Variants in KIF20B observed in about 807,000 individuals in gnomAD.
The protein encoded by KIF20B is kinesin family member 20B.
Under a neutral mutation model 232.5 loss-of-function variants are expected in KIF20B, and 188 were observed. The ratio of observed to expected loss-of-function variants is 0.81; its 90% CI spans 0.72 to 0.91. KIF20B has a LOEUF of 0.91. Ranked by LOEUF, KIF20B falls within the 40% of genes least tolerant of loss-of-function variation. The pLI is 0.00. For synonymous variants in KIF20B, 712 were observed against 683.0 expected, an observed-to-expected ratio of 1.04 and a Z score of -0.66; for missense variants, 2,154 against 2,055.9, an observed-to-expected ratio of 1.05 and a Z score of -0.92.
At chr10:89,744,078 G>T (rs912856248) in intron 22 of KIF20B, 151 bp downstream of exon 22, 7 of 508,090 alleles carry the variant, frequency 1.4e-5, no homozygotes, top group African/African-American at 2.2e-5. Flanking sequence ...AGGCAAAAAA[G>T]AAAAAAAAAA....
At chr10:89,731,227 T>A (rs1368999142) in intron 18 of KIF20B, among the ~76,000 whole-genome samples, 2 of 152,174 alleles carry the variant, frequency 1.3e-5, no homozygotes, top group African/African-American at 4.8e-5. Context: ...AAGAAAATAG[T>A]TGGAAATTTC....
intron 32 of KIF20B, 61 bp from the exon 33 acceptor site, chr10:89,773,910 C>A: frequency 9.7e-7 from 1 of 1,032,626 alleles, no homozygotes; most frequent in Non-Finnish European, 1.4e-6. Context: ...TCATTATAAA[C>A]AAGCTTTTAT....
chr10:89,754,043 A>G (rs1306949897), intron 25 of KIF20B, among the ~76,000 whole-genome samples: 1 of 151,762 alleles, frequency 6.6e-6, no homozygotes, highest in Admixed American at 6.6e-5. Flanking sequence ...ATTACTGATC[A>G]GCAGTATTCT....
chr10:89,709,346 G>A lies in KIF20B; in HGVS notation c.236G>A (p.Gly79Asp), dbSNP rs1279975424. The A allele has an allele frequency of 1.9e-6, 3 of 1,610,836 alleles. No individual in the cohort carries two copies. The highest frequency in any genetic ancestry group is 1.7e-6 in the Non-Finnish European group (2 of 1,177,804). ...TQSEKELESE[G>D]CVHILDSQTV... ...ATTTATTGGGGGTATGTTTTCTAGG[G>A]CTGTGTGCATATTCTGGATTCACAG... The change falls in exon 4 of 33, where the codon GGC becomes GAC. Residue 79 changes from glycine (G) to aspartate (D), a missense_variant and splice_region_variant. Physicochemically the swap from Gly to Asp is moderately conservative, Grantham distance 94. Transcript: ENST00000371728.
rs1422648203 is a variant in KIF20B at position 89,745,726 on chromosome 10, C to G, written c.4036-173C>G. On this transcript the variant is annotated intron_variant, in intron 22 of 32. Coordinates refer to ENST00000371728, the MANE Select transcript of KIF20B (RefSeq NM_001284259.2). ...CTTCTTTCCCCTGCTCTCACCCTAC[C>G]CTTTTCTCCAAGATGAAAGACAGTT... is the stretch of plus-strand genomic sequence containing the variant. Among the ~76,000 whole-genome samples, 3 of 152,074 alleles carry G rather than the reference C, an allele frequency of 2.0e-5. No homozygotes were observed. In the East Asian group the frequency reaches 5.8e-4, roughly 30 times the overall value.
chr10:89,705,227 T>C, intron 1 of KIF20B, 67 bp from the exon 2 acceptor site: 1 of 1,412,674 alleles, frequency 7.1e-7, no homozygotes, highest in South Asian at 1.2e-5. Context: ...GCTAGACTTT[T>C]GAAAGTGTGG....
At chr10:89,729,920 G>A (rs1843282710) in intron 18 of KIF20B, among the ~76,000 whole-genome samples, 1 of 152,114 alleles carries the variant, frequency 6.6e-6, no homozygotes, top group African/African-American at 2.4e-5. Context: ...AATGTAGTAA[G>A]CTGAGTAAAC....
intron 1 of KIF20B, among the ~76,000 whole-genome samples, chr10:89,704,836 C>T (rs917127894): frequency 5.9e-5 from 9 of 152,158 alleles, no homozygotes; most frequent in African/African-American, 1.9e-4. Flanking sequence ...GGATTACAGG[C>T]GTGAGCCACC....
intron 22 of KIF20B, 66 bp downstream of exon 22, chr10:89,743,993 G>T (rs10881648): frequency 0.25 from 342,626 of 1,356,810 alleles, 47,139 homozygotes; most frequent in African/African-American, 0.47. Context: ...TGTACAAAAA[G>T]GTACAAATTT....
At chr10:89,768,537 G>A (rs1842407733) in intron 30 of KIF20B, 146 bp downstream of exon 30, 3 of 713,474 alleles carry the variant, frequency 4.2e-6, no homozygotes, top group East Asian at 5.5e-5. Flanking sequence ...TCTACTTTAT[G>A]TGTTTACTTC....
Position 89,763,879 on chromosome 10 carries a change from T to C in KIF20B, c.4989+1044T>C, listed in dbSNP as rs539705496. On this transcript the variant is annotated intron_variant, in intron 29 of 32. Transcript: ENST00000371728. ...ATATTTATTAATAGTATTATTTATTTATATATTTTTATTTATTTATTTATT... is the reference window on the plus strand; with the variant it reads ...ATATTTATTAATAGTATTATTTATTCATATATTTTTATTTATTTATTTATT... Among the ~76,000 whole-genome samples the C allele has an allele frequency of 1.2e-4, 17 of 140,180 alleles. 1 individual carries two copies. The highest frequency in any genetic ancestry group is 1.0e-3 in the Admixed American group (14 of 13,558). The allele number at this position is 140,180 out of a possible 152,430, so 92.0% of individuals were successfully genotyped here. A position where few individuals can be genotyped will look rare whatever the true frequency, so the allele number is the denominator to read the frequency against.
At position 89,738,384 on chromosome 10, in the gene KIF20B, C is replaced by T; in HGVS notation, c.3543C>T (p.Ala1181=). The T allele has an allele frequency of 1.9e-6, 3 of 1,601,470 alleles. No individual in the cohort carries two copies. The highest frequency in any genetic ancestry group is 2.3e-5 in the South Asian group (2 of 87,562). Reference sequence around the variant, plus strand: ...AGAAAGTTGAATGTAGTCATTCAGCCAAGTTAGAACAAGACATTTTGGAAA... The same window carrying T: ...AGAAAGTTGAATGTAGTCATTCAGCTAAGTTAGAACAAGACATTTTGGAAA... ...ETQKVECSHS[A]KLEQDILEKE... The change falls in exon 20 of 33, where the codon GCC becomes GCT. Residue 1181 remains alanine (A), a synonymous_variant. Transcript: ENST00000371728.
intron 15 of KIF20B, 146 bp from the exon 16 acceptor site, chr10:89,726,147 T>G: frequency 9.5e-7 from 1 of 1,054,768 alleles, no homozygotes; most frequent in Non-Finnish European, 1.3e-6. Context: ...TTTTTCATAA[T>G]TGGAGTTGCT....
intron 21 of KIF20B, among the ~76,000 whole-genome samples, chr10:89,740,655 T>C (rs1841777881): frequency 6.6e-6 from 1 of 152,122 alleles, no homozygotes; most frequent in Admixed American, 6.5e-5. Flanking sequence ...GGGCTCTTTT[T>C]TCTAAGTTTA....
chr10:89,703,189 G>A (rs10082364), intron 1 of KIF20B, among the ~76,000 whole-genome samples: 117,626 of 152,070 alleles, frequency 0.77, 45,824 homozygotes, highest in South Asian at 0.93. Flanking sequence ...TGAAATGTCA[G>A]GCCGGTACTT....
At chr10:89,705,261 A>G (rs201782808) in intron 1 of KIF20B, 33 bp from the exon 2 acceptor site, 46 of 1,604,670 alleles carry the variant, frequency 2.9e-5, no homozygotes, top group Admixed American at 5.0e-5. Flanking sequence ...TGACTTATTA[A>G]GGTTGTTAAA....
chr10:89,711,624 G>C (rs1842839035), intron 6 of KIF20B, among the ~76,000 whole-genome samples: 1 of 151,300 alleles, frequency 6.6e-6, no homozygotes, highest in Admixed American at 6.6e-5. Context: ...ACACAAACAT[G>C]GTCATATATA....
intron 8 of KIF20B, among the ~76,000 whole-genome samples, 184 bp downstream of exon 8, chr10:89,715,366 G>C (rs1011822894): frequency 6.6e-6 from 1 of 152,142 alleles, no homozygotes; most frequent in Non-Finnish European, 1.5e-5. Flanking sequence ...GAATATAAAA[G>C]GGTCTATTTT....
In KIF20B at chr10:89,772,814, G is replaced by T; in HGVS notation, c.5368G>T (p.Asp1790Tyr). The T allele has an allele frequency of 6.2e-7, 1 of 1,608,688 alleles. No individual in the cohort carries two copies. The highest frequency in any genetic ancestry group is 8.5e-7 in the Non-Finnish European group (1 of 1,177,560). Residue 1790 changes from aspartate to tyrosine, a missense_variant, in exon 32 of 33, where the codon GAT becomes TAT. Transcript: ENST00000371728. The part of the protein sequence containing the change: ...LYTSEISSPI[D>Y]ISGQVILMDQ... Reference sequence around the variant, plus strand: ...CACAAGTGAAATTTCATCTCCTATTGATATATCAGGCCAAGTGGTAAGCTA... The same window carrying T: ...CACAAGTGAAATTTCATCTCCTATTTATATATCAGGCCAAGTGGTAAGCTA...
Sources: allele counts gnomAD v4.1 joint callset (sites outside exome capture counted in the v4.1 genomes callset), GRCh38; gene constraint gnomAD v4.1.1; transcripts MANE v1.5; gene names NCBI Gene and HGNC (gene_info 2026-07-23, HGNC 2026-07-21).